The following COL21A1 variants were observed in gnomAD, a reference collection of about 807,000 sequenced individuals.
COL21A1 encodes the protein collagen type XXI alpha 1 chain.
In COL21A1, 149 loss-of-function variants were observed where a neutral mutation model predicts 137.9. That is an observed-to-expected ratio of 1.08 (90% CI 0.95 to 1.24). The LOEUF is 1.24. COL21A1 is among the 50% of genes most tolerant of loss of function. COL21A1 has a pLI of 0.00. For missense variants in COL21A1, 1,167 were observed against 1,158.4 expected (o/e 1.01, Z -0.11); for synonymous variants, 456 against 391.5 (o/e 1.16, Z -1.95).
chr6:56,214,688 C>A (rs1251473994), intron 1 of COL21A1, among the ~76,000 whole-genome samples: 1 of 151,540 alleles, frequency 6.6e-6, no homozygotes, highest in African/African-American at 2.4e-5. Context: ...AATTAGAAAT[C>A]CATTTGATCA....
At chr6:56,330,947 T>C (rs901175217) in intron 1 of COL21A1, among the ~76,000 whole-genome samples, 4 of 151,908 alleles carry the variant, frequency 2.6e-5, no homozygotes, top group African/African-American at 9.7e-5. Flanking sequence ...CTTTTCTCCA[T>C]GCCAACATCT....
At chr6:56,084,625 C>CAATA (rs1343167895) in intron 17 of COL21A1, among the ~76,000 whole-genome samples, 60 of 152,038 alleles carry the variant, frequency 3.9e-4, no homozygotes, top group South Asian at 1.2e-3. Flanking sequence ...GTCAAATATA[C>CAATA]AATACATAAT....
At chr6:56,096,621 T>C (rs1161951393) in intron 17 of COL21A1, among the ~76,000 whole-genome samples, 1 of 152,232 alleles carries the variant, frequency 6.6e-6, no homozygotes, top group Non-Finnish European at 1.5e-5. Context: ...CATTTCCTAA[T>C]AAATTATAGT....
chr6:56,126,144 A>T lies in COL21A1; in HGVS notation c.1548T>A (p.Asp516Glu), dbSNP rs373582305. The T allele has an allele frequency of 8.4e-6, 13 of 1,545,414 alleles. No individual in the cohort carries two copies. The African/African-American group carries it at 1.8e-4, about 21-fold the overall frequency. Residue 516 changes from aspartate (D) to glutamate (E), a missense_variant, in exon 13 of 30, where the codon GAT becomes GAA. Transcript: ENST00000244728. ...GCCCAGGAAAACCAGGAAGTCCACG[A>T]TCACCCTGAAAATAAAACTGAAATT... ...GEPGRDGDKG[D>E]RGLPGFPGLH...
rs1458944358 is a variant in COL21A1, at chr6:56,189,498, G to T, written c.-38-6842C>A. ...AAGACCAAATCTATATTTGATTGAT[G>T]TACCTGAAAGTGACAGGGAGAATGG... On this transcript the variant is annotated intron_variant, in intron 1 of 29. Transcript: ENST00000244728. Among the ~76,000 whole-genome samples, 4 of 152,138 alleles carry T rather than the reference G, an allele frequency of 2.6e-5. No homozygotes were observed. In the East Asian group the frequency reaches 5.8e-4, roughly 22 times the overall value.
At chr6:56,266,113 T>G (rs1004767866) in intron 1 of COL21A1, among the ~76,000 whole-genome samples, 23 of 152,194 alleles carry the variant, frequency 1.5e-4, no homozygotes, top group Admixed American at 1.3e-3. Context: ...AATTATGACT[T>G]ACAGCTTAAT....
intron 1 of COL21A1, among the ~76,000 whole-genome samples, chr6:56,393,435 G>T (rs1234199681): frequency 6.6e-6 from 1 of 151,688 alleles, no homozygotes; most frequent in Non-Finnish European, 1.5e-5. Context: ...ATATTGGTCT[G>T]GGCAAAGATT....
intron 1 of COL21A1, among the ~76,000 whole-genome samples, chr6:56,256,824 A>G (rs1194465405): frequency 6.6e-6 from 1 of 152,104 alleles, no homozygotes; most frequent in African/African-American, 2.4e-5. Context: ...ACAATGCTTC[A>G]TTGTTCAAGA....
intron 1 of COL21A1, among the ~76,000 whole-genome samples, chr6:56,355,483 T>G (rs1266687667): frequency 2.0e-5 from 3 of 152,136 alleles, no homozygotes; most frequent in Non-Finnish European, 4.4e-5. Flanking sequence ...TATCAACCAA[T>G]TGTAACACAT....
intron 3 of COL21A1, among the ~76,000 whole-genome samples, chr6:56,178,070 A>C (rs527921795): frequency 6.6e-6 from 1 of 152,288 alleles, no homozygotes; most frequent in Admixed American, 6.5e-5. Flanking sequence ...TTAAAATAGA[A>C]TGCATTTACC....
At position 56,247,562 on chromosome 6, in the gene COL21A1, G is replaced by C. The variant is rs986575398; in HGVS notation, c.-214C>G. 1 of 152,284 alleles carries C rather than the reference G, an allele frequency of 6.6e-6. No individual in the cohort carries two copies. Among genetic ancestry groups the C allele is most frequent in the African/African-American group, 2.4e-5 (1 of 41,454 alleles). The allele number at this position is 152,284 out of a possible 1,614,324, so 9.4% of individuals were successfully genotyped here. On this transcript the variant is annotated 5_prime_UTR_variant, in exon 1 of 30. Coordinates refer to ENST00000244728, the MANE Select transcript of COL21A1 (RefSeq NM_030820.4). ...TGCAGCGGCCAGTGCAGAGCTCAGA[G>C]GCTCAGAAACTCGCTCTCAGCCCCC...
chr6:56,182,921 A>C (rs2152283394), intron 1 of COL21A1, among the ~76,000 whole-genome samples: 1 of 152,282 alleles, frequency 6.6e-6, no homozygotes, highest in East Asian at 1.9e-4. Context: ...CTTTTTGCAA[A>C]ATATTTACTC....
chr6:56,064,126 A>T (rs1766037326), intron 24 of COL21A1, among the ~76,000 whole-genome samples: 1 of 152,112 alleles, frequency 6.6e-6, no homozygotes, highest in South Asian at 2.1e-4. Flanking sequence ...ATTTTAATAT[A>T]TCTCCAGAGC....
intron 12 of COL21A1, among the ~76,000 whole-genome samples, chr6:56,134,310 C>T (rs1773813698): frequency 6.6e-6 from 1 of 152,192 alleles, no homozygotes; most frequent in African/African-American, 2.4e-5. Flanking sequence ...GGATTTCAGA[C>T]TTGCATAGGG....
At chr6:56,276,419 TC>T in intron 1 of COL21A1, 6 of 572,982 alleles carry the variant, frequency 1.0e-5, no homozygotes, top group East Asian at 3.1e-5. Context: ...CCTGTTTTGA[TC>T]TTTTTTTTTT....
intron 2 of COL21A1, 110 bp downstream of exon 2, chr6:56,182,421 A>G (rs574704865): frequency 1.5e-6 from 1 of 687,150 alleles, no homozygotes; most frequent in East Asian, 2.7e-5. Flanking sequence ...GGAGTTACAG[A>G]ATCAAAGACA....
intron 1 of COL21A1, among the ~76,000 whole-genome samples, chr6:56,282,641 A>T (rs1243295365): frequency 6.6e-6 from 1 of 152,254 alleles, no homozygotes; most frequent in Non-Finnish European, 1.5e-5. Context: ...GCATTGTTTG[A>T]GGGTTTTATT....
chr6:56,095,005 C>T (rs760897368), intron 17 of COL21A1, among the ~76,000 whole-genome samples: 1 of 152,154 alleles, frequency 6.6e-6, no homozygotes, highest in African/African-American at 2.4e-5. Context: ...AAGTTAAGAT[C>T]TGATATTTCT....
At chr6:56,100,651 G>A (rs537587980) in intron 17 of COL21A1, among the ~76,000 whole-genome samples, 2 of 152,140 alleles carry the variant, frequency 1.3e-5, no homozygotes, top group East Asian at 3.9e-4. Flanking sequence ...CTTCTGGAAG[G>A]TAATAGCATT....
Sources: allele counts gnomAD v4.1 joint callset (sites outside exome capture counted in the v4.1 genomes callset), GRCh38; gene constraint gnomAD v4.1.1; transcripts MANE v1.5; gene names NCBI Gene and HGNC (gene_info 2026-07-23, HGNC 2026-07-21).